Variants in RRP1B observed in about 807,000 individuals in gnomAD.
RRP1B encodes ribosomal RNA processing protein 1 homolog B.
Under a neutral mutation model 80.2 loss-of-function variants are expected in RRP1B, and 56 were observed. The observed-to-expected ratio is 0.70, with a 90% confidence interval of 0.56 to 0.87. The LOEUF (loss-of-function observed/expected upper bound fraction) is 0.87. Among genes scored for constraint, RRP1B ranks in the 40% least tolerant of loss-of-function variants. The pLI, the probability that RRP1B is intolerant of heterozygous loss-of-function variation, is 0.00. For synonymous variants in RRP1B, 351 were observed against 357.6 expected (o/e 0.98, Z 0.21); for missense variants, 807 against 939.8 (o/e 0.86, Z 1.85).
intron 2 of RRP1B, among the ~76,000 whole-genome samples, chr21:43,671,401 T>G (rs1222500514): frequency 6.6e-6 from 1 of 150,798 alleles, no homozygotes; most frequent in African/African-American, 2.5e-5. Flanking sequence ...AGTTTCACTC[T>G]GTTGCCCAGG....
chr21:43,674,090 C>T, intron 4 of RRP1B, 135 bp downstream of exon 4: 1 of 638,374 alleles, frequency 1.6e-6, no homozygotes, highest in Non-Finnish European at 2.6e-6. Context: ...TGAATGTGTC[C>T]TGGAAAGCTT....
intron 1 of RRP1B, among the ~76,000 whole-genome samples, chr21:43,666,545 C>T (rs1008502444): frequency 2.6e-5 from 4 of 152,154 alleles, no homozygotes; most frequent in African/African-American, 7.2e-5. Flanking sequence ...GGCGAAACCC[C>T]GTCTCTATTA....
Position 43,691,507 on chromosome 21 carries a change from GT to G in RRP1B, c.2083+6del. The G allele has an allele frequency of 1.9e-6, 3 of 1,613,994 alleles. No individual in the cohort carries two copies. Among genetic ancestry groups the G allele is most frequent in the Non-Finnish European group, 2.5e-6 (3 of 1,179,910 alleles). On this transcript the variant is annotated splice_donor_region_variant and intron_variant, in intron 15 of 15. Transcript: ENST00000340648. This position sits in a 1 kb window ranked among gnomAD's most constrained non-coding sequence, Gnocchi z 4.2. ...TGAACAGAAACATGACTGCCGGTAA[GT>G]GGGGTTTTGCCAGCGGCAAGCTTCT...
chr21:43,692,909 A>G (rs1474072136), intron 15 of RRP1B, among the ~76,000 whole-genome samples: 1 of 151,934 alleles, frequency 6.6e-6, no homozygotes, highest in Admixed American at 6.6e-5. Flanking sequence ...CCCACCCCCA[A>G]TGTTCACCCT....
At position 43,686,748 on chromosome 21, in the gene RRP1B, T is replaced by A. The variant is rs1344730133; in HGVS notation, c.1010-56T>A. ...GGGAGGGGTGCTGCTCTTAGGCCCCTGGGGCAGAGTCTTGAGCGCCTGGGG... is the reference window on the plus strand; with the variant it reads ...GGGAGGGGTGCTGCTCTTAGGCCCCAGGGGCAGAGTCTTGAGCGCCTGGGG... On this transcript the variant is annotated intron_variant, in intron 11 of 15. Transcript: ENST00000340648. The A allele has an allele frequency of 3.1e-6, 5 of 1,603,870 alleles. No individual in the cohort carries two copies. The African/African-American group carries it at 6.7e-5, about 22-fold the overall frequency.
chr21:43,662,091 C>T (rs1248512249), intron 1 of RRP1B, among the ~76,000 whole-genome samples: 2 of 152,248 alleles, frequency 1.3e-5, no homozygotes, highest in Non-Finnish European at 2.9e-5. Context: ...AGTGGGAGTA[C>T]ATGCAACCGT....
Position 43,672,385 on chromosome 21 carries a change from CTCCT to C in RRP1B, c.271+28_271+31del. 3.7e-6 allele frequency: 6 copies of C among 1,606,692 alleles called. No individual in the cohort carries two copies. Among genetic ancestry groups the C allele is most frequent in the Non-Finnish European group, 5.1e-6 (6 of 1,173,204 alleles). On this transcript the variant is annotated intron_variant, in intron 3 of 15. Transcript: ENST00000340648. Reference sequence around the variant, plus strand: ...CGGCTCGTAAGTCCTGTTGTTTCTTCTCCTTCCTTCCAAGTTTTCCGACTTGCTA... The same window carrying C: ...CGGCTCGTAAGTCCTGTTGTTTCTTCTCCTTCCAAGTTTTCCGACTTGCTA...
Position 43,690,459 on chromosome 21 carries a change from G to A in RRP1B, c.2019+19G>A, listed in dbSNP as rs1568961240. ...CGTCCAGGTACGCACCCTCCCCAGAGTGGCACAGCACATTTCACCACAAGG... is the reference window on the plus strand; with the variant it reads ...CGTCCAGGTACGCACCCTCCCCAGAATGGCACAGCACATTTCACCACAAGG... On this transcript the variant is annotated intron_variant, in intron 14 of 15. Coordinates refer to ENST00000340648, the MANE Select transcript of RRP1B (RefSeq NM_015056.3). 1.9e-6 allele frequency: 3 copies of A among 1,612,546 alleles called. No homozygotes were observed. Among genetic ancestry groups the A allele is most frequent in the Non-Finnish European group, 2.5e-6 (3 of 1,179,282 alleles).
Position 43,683,265 on chromosome 21 carries a change from G to A in RRP1B, c.797-14G>A. ...GATATGTCAATAATTTGGTCTTTGG[G>A]TATATTTTGACAGCACTGGGCAAAA... On this transcript the variant is annotated splice_polypyrimidine_tract_variant and intron_variant, in intron 8 of 15. Transcript: ENST00000340648. 1 of 1,606,462 alleles carries A rather than the reference G, an allele frequency of 6.2e-7. No individual in the cohort carries two copies. Among genetic ancestry groups the A allele is most frequent in the Non-Finnish European group, 8.5e-7 (1 of 1,173,064 alleles).
At position 43,659,811 on chromosome 21, in the gene RRP1B, G is replaced by A. The variant is rs796476947; in HGVS notation, c.130+17G>A. 1.3e-6 allele frequency: 2 copies of A among 1,497,056 alleles called. No homozygotes were observed. Among genetic ancestry groups the A allele is most frequent in the East Asian group, 5.6e-5 (2 of 35,922 alleles). The allele number at this position is 1,497,056 out of a possible 1,614,324, so 92.7% of individuals were successfully genotyped here. A position where few individuals can be genotyped will look rare whatever the true frequency, so the allele number is the denominator to read the frequency against. On this transcript the variant is annotated intron_variant, in intron 1 of 15. Transcript: ENST00000340648. This position sits in a 1 kb window ranked among gnomAD's most constrained non-coding sequence, Gnocchi z 4.2. ...GGGAGACAGGTGGGCGCACGGCCGCGGTCAGCCGCGCCACATGGCGGGCCG... is the reference window on the plus strand; with the variant it reads ...GGGAGACAGGTGGGCGCACGGCCGCAGTCAGCCGCGCCACATGGCGGGCCG...
At chr21:43,664,888 A>T (rs2082972500) in intron 1 of RRP1B, among the ~76,000 whole-genome samples, 1 of 152,182 alleles carries the variant, frequency 6.6e-6, no homozygotes, top group African/African-American at 2.4e-5. Flanking sequence ...CAGTCTCACG[A>T]GAACAGCATG....
intron 1 of RRP1B, among the ~76,000 whole-genome samples, chr21:43,668,895 A>G (rs1025223330): frequency 6.6e-6 from 1 of 152,190 alleles, no homozygotes; most frequent in Non-Finnish European, 1.5e-5. Context: ...AAGACTGTAC[A>G]CCTACCTTAT....
Position 43,670,065 on chromosome 21 carries a change from A to T in RRP1B, c.213+99A>T, listed in dbSNP as rs989002802. 4.4e-5 allele frequency: 32 copies of T among 732,546 alleles called. No homozygotes were observed. The African/African-American group carries it at 4.9e-4, about 11-fold the overall frequency. The allele number at this position is 732,546 out of a possible 1,614,324, so 45.4% of individuals were successfully genotyped here. ...TGCCAGTCCCCCGATACACTGACGCACACTGACAGTCATGCTTCAAGGAGT... is the reference window on the plus strand; with the variant it reads ...TGCCAGTCCCCCGATACACTGACGCTCACTGACAGTCATGCTTCAAGGAGT... On this transcript the variant is annotated intron_variant, in intron 2 of 15. Coordinates refer to ENST00000340648, the MANE Select transcript of RRP1B (RefSeq NM_015056.3).
chr21:43,665,173 T>C (rs748441186), intron 1 of RRP1B, among the ~76,000 whole-genome samples: 13 of 152,266 alleles, frequency 8.5e-5, no homozygotes, highest in Non-Finnish European at 1.5e-4. Context: ...CATTATCACT[T>C]ACTGTTGGCT....
chr21:43,673,361 C>T (rs189696026), intron 3 of RRP1B, among the ~76,000 whole-genome samples: 193 of 152,262 alleles, frequency 1.3e-3, no homozygotes, highest in African/African-American at 3.3e-3. Context: ...AGGCCAGGCA[C>T]GGTGGCTCAC....
At chr21:43,680,385 C>G (rs965727867) in intron 8 of RRP1B, among the ~76,000 whole-genome samples, 1 of 145,644 alleles carries the variant, frequency 6.9e-6, no homozygotes, top group Middle Eastern at 3.3e-3. Flanking sequence ...TGCTCAAACC[C>G]TGTCTCTACT....
intron 1 of RRP1B, among the ~76,000 whole-genome samples, chr21:43,667,675 A>AG (rs2082983724): frequency 6.6e-6 from 1 of 152,178 alleles, no homozygotes; most frequent in Admixed American, 6.5e-5. Context: ...ACTGTGGCCA[A>AG]GAAAAAAAAA....
intron 11 of RRP1B, chr21:43,686,114 C>G (rs1039021448): frequency 4.9e-6 from 1 of 204,652 alleles, no homozygotes; most frequent in Non-Finnish European, 9.8e-6. Flanking sequence ...CAACAAGACC[C>G]CAACTTTTAA....
intron 1 of RRP1B, among the ~76,000 whole-genome samples, chr21:43,664,340 A>G (rs920699041): frequency 6.6e-6 from 1 of 152,176 alleles, no homozygotes; most frequent in African/African-American, 2.4e-5. Flanking sequence ...AAAAAAAAAA[A>G]AAAAGAAAAA....
Sources: gnomAD v4.1 joint callset for allele counts (sites outside exome capture counted in the v4.1 genomes callset) on GRCh38, gnomAD v4.1.1 for gene constraint, Gnocchi (gnomAD v3.1) non-coding constraint, MANE v1.5 for transcripts, NCBI Gene and HGNC (gene_info 2026-07-23, HGNC 2026-07-21) for gene names.